Variants in CACNA2D3 observed in about 807,000 individuals in gnomAD.
CACNA2D3 encodes calcium voltage-gated channel auxiliary subunit alpha2delta 3.
A neutral mutation model predicts 160.6 loss-of-function variants in CACNA2D3; 60 were observed. That is an observed-to-expected ratio of 0.37 (90% confidence interval 0.30 to 0.46). The LOEUF is 0.46. CACNA2D3 is among the 20% of genes least tolerant of loss of function. The probability of loss-of-function intolerance (pLI) is 1.00; values close to 1 mark genes in which losing one functional copy is unlikely to be tolerated. For synonymous variants in CACNA2D3, 558 were observed against 492.9 expected (o/e 1.13, Z -1.75); for missense variants, 1,205 against 1,365.0 (o/e 0.88, Z 1.85).
At chr3:54,620,325 A>T (rs1363528788) in intron 9 of CACNA2D3, among the ~76,000 whole-genome samples, 1 of 152,198 alleles carries the variant, frequency 6.6e-6, no homozygotes. Flanking sequence ...TTTTCCAGTG[A>T]GCTCGAGCTA....
At position 54,714,967 on chromosome 3, in the gene CACNA2D3, CCAAG is replaced by C. The variant is rs1347953103; in HGVS notation, c.1168-37628_1168-37625del. Among the ~76,000 whole-genome samples, 3 of 152,290 alleles carry C rather than the reference CCAAG, an allele frequency of 2.0e-5. No homozygotes were observed. The East Asian group carries it at 5.8e-4, about 29-fold the overall frequency. On this transcript the variant is annotated intron_variant, in intron 11 of 37. Transcript: ENST00000474759. ...GATGTCTGAGTTTTTTCTCCACACA[CCAAG>C]CAATCAACTGTCCAGCAGATTCTCC...
intron 4 of CACNA2D3, among the ~76,000 whole-genome samples, chr3:54,405,114 C>G (rs1477488547): frequency 1.3e-5 from 2 of 151,734 alleles, no homozygotes; most frequent in African/African-American, 4.8e-5. Context: ...CTATACTATA[C>G]TATACTGTAC....
At chr3:54,806,317 C>G (rs1703121616) in intron 13 of CACNA2D3, among the ~76,000 whole-genome samples, 1 of 151,972 alleles carries the variant, frequency 6.6e-6, no homozygotes, top group African/African-American at 2.4e-5. Flanking sequence ...TTGTCTCAGC[C>G]CAAAATCTCC....
chr3:54,516,552 G>A (rs1348696846), intron 5 of CACNA2D3, among the ~76,000 whole-genome samples: 1 of 152,118 alleles, frequency 6.6e-6, no homozygotes, highest in Non-Finnish European at 1.5e-5. Context: ...TTATCATCTG[G>A]CAGGTGGACT....
chr3:54,941,505 G>A (rs748607300), intron 27 of CACNA2D3, among the ~76,000 whole-genome samples: 4 of 152,050 alleles, frequency 2.6e-5, no homozygotes, highest in East Asian at 1.9e-4. Context: ...ATTGTTCATC[G>A]TTTTTATAAT....
At chr3:54,429,528 T>C (rs187092559) in intron 4 of CACNA2D3, among the ~76,000 whole-genome samples, 3 of 152,284 alleles carry the variant, frequency 2.0e-5, no homozygotes. Flanking sequence ...TGCTGGTATT[T>C]GTAGTACCCT....
intron 4 of CACNA2D3, among the ~76,000 whole-genome samples, chr3:54,494,696 T>C (rs1701175656): frequency 6.6e-6 from 1 of 152,192 alleles, no homozygotes; most frequent in East Asian, 1.9e-4. Context: ...CTATAAAGAA[T>C]ACCTGAGGCT....
At chr3:54,350,966 C>CGGTTTTTTTTTTTTTTTTTTTTTT (rs1559457706) in intron 3 of CACNA2D3, among the ~76,000 whole-genome samples, 2 of 63,286 alleles carry the variant, frequency 3.2e-5, no homozygotes, top group Non-Finnish European at 7.2e-5. Flanking sequence ...GATCTTGAGT[C>CGGTTTTTTTTTTTTTTTTTTTTTT]TGTTTTTTTT....
At chr3:54,195,078 T>C (rs924611514) in intron 2 of CACNA2D3, among the ~76,000 whole-genome samples, 1 of 152,182 alleles carries the variant, frequency 6.6e-6, no homozygotes, top group African/African-American at 2.4e-5. Context: ...CAGCCAGCCC[T>C]TGAACCTCGG....
At chr3:54,491,170 G>A (rs1007831703) in intron 4 of CACNA2D3, among the ~76,000 whole-genome samples, 16 of 152,318 alleles carry the variant, frequency 1.1e-4, no homozygotes, top group Non-Finnish European at 1.3e-4. Context: ...CGCCAGGCTG[G>A]ATTTTTGGAG....
intron 9 of CACNA2D3, among the ~76,000 whole-genome samples, chr3:54,610,876 G>T (rs746176705): frequency 6.6e-6 from 1 of 152,102 alleles, no homozygotes; most frequent in South Asian, 2.1e-4. Flanking sequence ...TGATCCACCC[G>T]CCTTGGCCTC....
At chr3:55,011,423 T>C (rs772098092) in intron 34 of CACNA2D3, among the ~76,000 whole-genome samples, 1 of 152,214 alleles carries the variant, frequency 6.6e-6, no homozygotes, top group East Asian at 1.9e-4. Flanking sequence ...GTTTCTATGA[T>C]AGGATGATCA....
chr3:54,566,856 T>TA (rs929527637), intron 6 of CACNA2D3, among the ~76,000 whole-genome samples: 5 of 152,212 alleles, frequency 3.3e-5, no homozygotes, highest in African/African-American at 1.2e-4. Flanking sequence ...GCTGAACAGC[T>TA]AAGTAAAGAG....
intron 2 of CACNA2D3, among the ~76,000 whole-genome samples, chr3:54,319,514 A>G (rs1703942526): frequency 1.3e-5 from 2 of 152,212 alleles, no homozygotes; most frequent in East Asian, 3.9e-4. Flanking sequence ...AACCAAATAA[A>G]TGTGATGGAT....
intron 35 of CACNA2D3, among the ~76,000 whole-genome samples, chr3:55,021,236 A>G (rs358034): frequency 0.11 from 17,083 of 151,972 alleles, 3,203 homozygotes; most frequent in African/African-American, 0.39. Flanking sequence ...GGTTTTGGTG[A>G]TTATATTTCT....
intron 2 of CACNA2D3, among the ~76,000 whole-genome samples, chr3:54,314,058 T>C (rs953666196): frequency 6.6e-6 from 1 of 152,100 alleles, no homozygotes; most frequent in Non-Finnish European, 1.5e-5. Context: ...TTCCCACCCT[T>C]ACTCCCTTTC....
intron 35 of CACNA2D3, among the ~76,000 whole-genome samples, chr3:55,040,902 T>C (rs1172641304): frequency 1.3e-5 from 2 of 152,212 alleles, no homozygotes; most frequent in Non-Finnish European, 2.9e-5. Flanking sequence ...TCCTATTTTC[T>C]CTCTCTCCTA....
chr3:54,416,198 G>C (rs968623139), intron 4 of CACNA2D3, among the ~76,000 whole-genome samples: 1 of 152,172 alleles, frequency 6.6e-6, no homozygotes, highest in Non-Finnish European at 1.5e-5. Flanking sequence ...TGACACTTGC[G>C]TGTTGCTTAC....
At chr3:54,863,721 T>TA (rs1699343167) in intron 17 of CACNA2D3, among the ~76,000 whole-genome samples, 2 of 150,968 alleles carry the variant, frequency 1.3e-5, no homozygotes, top group Admixed American at 1.3e-4. Flanking sequence ...TTGTTTTTTT[T>TA]TAAAAAAAAA....
Sources: allele counts gnomAD v4.1 joint callset (sites outside exome capture counted in the v4.1 genomes callset), GRCh38; gene constraint gnomAD v4.1.1; transcripts MANE v1.5; gene names NCBI Gene and HGNC (gene_info 2026-07-23, HGNC 2026-07-21).